The following LMAN1 variants were observed in gnomAD, a reference collection of about 807,000 sequenced individuals.
The protein encoded by LMAN1 is protein ERGIC-53.
A neutral mutation model predicts 67.8 loss-of-function variants in LMAN1; 32 were observed. The ratio of observed to expected loss-of-function variants is 0.47; its 90% CI spans 0.36 to 0.63. LMAN1 has a LOEUF of 0.63. Among genes scored for constraint, LMAN1 ranks in the 30% least tolerant of loss-of-function variants. The pLI is 0.00. For synonymous variants in LMAN1, 235 were observed against 219.3 expected (o/e 1.07, Z -0.63); for missense variants, 632 against 628.2 (o/e 1.01, Z -0.06).
chr18:59,350,775 G>T (rs148104859), intron 5 of LMAN1, among the ~76,000 whole-genome samples: 77 of 152,256 alleles, frequency 5.1e-4, no homozygotes, highest in Non-Finnish European at 9.6e-4. Flanking sequence ...GATTACATGT[G>T]TGAGCCACCG....
chr18:59,357,963 TAAAA>T (rs150790005), intron 1 of LMAN1, among the ~76,000 whole-genome samples: 95 of 102,540 alleles, frequency 9.3e-4, no homozygotes, highest in African/African-American at 2.3e-3. Flanking sequence ...AACCTTATAG[TAAAA>T]AAAAAAAAAA....
intron 6 of LMAN1, among the ~76,000 whole-genome samples, chr18:59,348,827 G>A (rs1334885369): frequency 6.6e-6 from 1 of 152,176 alleles, no homozygotes; most frequent in Non-Finnish European, 1.5e-5. Flanking sequence ...TGCTGACTTT[G>A]ATAGCCTCTA....
intron 5 of LMAN1, chr18:59,351,609 C>A (rs1476000654): frequency 1.3e-5 from 2 of 152,166 alleles, no homozygotes; most frequent in Non-Finnish European, 2.9e-5. Flanking sequence ...ATAAAGGATC[C>A]TTCATAAAGA....
At chr18:59,340,385 G>A (rs1040206198) in intron 8 of LMAN1, among the ~76,000 whole-genome samples, 1 of 152,046 alleles carries the variant, frequency 6.6e-6, no homozygotes, top group Non-Finnish European at 1.5e-5. Context: ...AAATTAGCAA[G>A]AGAGAAGTAT....
Position 59,330,875 on chromosome 18 carries a change from G to A in LMAN1, c.*218C>T. 1 of 558,964 alleles carries A rather than the reference G, an allele frequency of 1.8e-6. No individual in the cohort carries two copies. The highest frequency in any genetic ancestry group is 3.2e-6 in the Non-Finnish European group (1 of 310,366). The allele number at this position is 558,964 out of a possible 1,614,324, so 34.6% of individuals were successfully genotyped here. On this transcript the variant is annotated 3_prime_UTR_variant, in exon 13 of 13. Transcript: ENST00000251047. ...CTCAGAGGCTGCATCATACTGACCA[G>A]AAATTCACTGAAATTTAGACAGATT...
chr18:59,338,002 A>T (rs1188301950), intron 10 of LMAN1, among the ~76,000 whole-genome samples: 1 of 152,216 alleles, frequency 6.6e-6, no homozygotes, highest in Non-Finnish European at 1.5e-5. Context: ...TAAGTCAATC[A>T]TTCTCATTAG....
chr18:59,335,572 T>C (rs549626480), intron 10 of LMAN1, among the ~76,000 whole-genome samples: 13 of 151,766 alleles, frequency 8.6e-5, no homozygotes, highest in African/African-American at 2.7e-4. Flanking sequence ...AAGGGGAGGA[T>C]GGGAAAGTGG....
At chr18:59,331,690 C>T (rs759161318) in intron 11 of LMAN1, 151 bp from the exon 12 acceptor site, 52 of 801,844 alleles carry the variant, frequency 6.5e-5, no homozygotes, top group Non-Finnish European at 1.0e-4. Context: ...TTAACTTTTA[C>T]TGACAACTGT....
At chr18:59,333,469 T>A (rs1250259444) in intron 10 of LMAN1, 1 of 486,194 alleles carries the variant, frequency 2.1e-6, no homozygotes, top group Admixed American at 3.6e-5. Flanking sequence ...AAATACCATG[T>A]AGAAAATACT....
chr18:59,355,310 T>C lies in LMAN1; in HGVS notation c.477+3A>G, dbSNP rs775205769. 2.8e-5 allele frequency: 44 copies of C among 1,599,178 alleles called. No individual in the cohort carries two copies. Among genetic ancestry groups the C allele is most frequent in the Non-Finnish European group, 3.7e-5 (43 of 1,167,508 alleles). On this transcript the variant is annotated splice_donor_region_variant and intron_variant, in intron 3 of 12. Coordinates refer to ENST00000251047, the MANE Select transcript of LMAN1 (RefSeq NM_005570.4). Reference sequence around the variant, plus strand: ...TGGATAACAGTCCTGACAATAAATATACCTTTCCATCATTGTCAAAAGAAT... The same window carrying C: ...TGGATAACAGTCCTGACAATAAATACACCTTTCCATCATTGTCAAAAGAAT...
At chr18:59,351,766 C>T (rs1404782607) in intron 5 of LMAN1, among the ~76,000 whole-genome samples, 1 of 152,174 alleles carries the variant, frequency 6.6e-6, no homozygotes, top group African/African-American at 2.4e-5. Flanking sequence ...ACAGTCTGCA[C>T]CCACCATGCT....
chr18:59,339,322 G>A (rs1288917014), intron 8 of LMAN1, among the ~76,000 whole-genome samples: 1 of 152,144 alleles, frequency 6.6e-6, no homozygotes, highest in South Asian at 2.1e-4. Flanking sequence ...TTGCCTAGGA[G>A]AGAATGCTAG....
chr18:59,349,702 C>CA (rs1472404568), intron 5 of LMAN1, among the ~76,000 whole-genome samples: 1 of 152,104 alleles, frequency 6.6e-6, no homozygotes, highest in African/African-American at 2.4e-5. Flanking sequence ...TCTGGACTGT[C>CA]ACAGGTTAGC....
intron 7 of LMAN1, among the ~76,000 whole-genome samples, 167 bp from the exon 8 acceptor site, chr18:59,346,218 T>TTA (rs1331695982): frequency 7.4e-6 from 1 of 135,826 alleles, no homozygotes; most frequent in Non-Finnish European, 1.6e-5. Context: ...TCTTTTTTTT[T>TTA]TTTTTTTTTT....
In LMAN1 at chr18:59,333,151, G is replaced by A. The variant is rs747427659; in HGVS notation, c.1314C>T (p.Asp438=). 26 of 1,613,494 alleles carry A rather than the reference G, an allele frequency of 1.6e-5. No individual in the cohort carries two copies. The highest frequency in any genetic ancestry group is 2.1e-5 in the Non-Finnish European group (25 of 1,179,662). Residue 438 remains aspartate, a synonymous_variant, in exon 11 of 13, where the codon GAC becomes GAT. Transcript: ENST00000251047. The part of the protein sequence containing the change: ...GVYETTQHFI[D]IKEHLHIVKR... ...TTACTATGTGCAGGTGCTCTTTGAT[G>A]TCAATGAAGTGCTGTGTTGTCTCAT... is the stretch of plus-strand genomic sequence containing the variant.
chr18:59,357,909 T>C (rs1908695793), intron 1 of LMAN1, among the ~76,000 whole-genome samples: 1 of 142,978 alleles, frequency 7.0e-6, no homozygotes, highest in Non-Finnish European at 1.5e-5. Context: ...ACATGGCAAA[T>C]GTATACATAC....
At chr18:59,345,344 C>A (rs1444488) in intron 8 of LMAN1, among the ~76,000 whole-genome samples, 109,349 of 152,032 alleles carry the variant, frequency 0.72, 39,611 homozygotes, top group African/African-American at 0.8. Flanking sequence ...AGCACACTCA[C>A]GTTCTTAATA....
chr18:59,332,992 G>T, intron 11 of LMAN1, 99 bp downstream of exon 11: 1 of 947,402 alleles, frequency 1.1e-6, no homozygotes, highest in Non-Finnish European at 1.7e-6. Context: ...TTAAAAATAA[G>T]CATTAGCATT....
In LMAN1 at chr18:59,338,821, A is replaced by G. The variant is rs181218003; in HGVS notation, c.1088T>C (p.Val363Ala). 5 of 1,613,946 alleles carry G rather than the reference A, an allele frequency of 3.1e-6. No homozygotes were observed. Among genetic ancestry groups the G allele is most frequent in the East Asian group, 4.5e-5 (2 of 44,868 alleles). ...AGAGATTTCCTCTGTTAAGGAAGAGACATATCTTCTCTGTTCATCAAGAAT... is the reference window on the plus strand; with the variant it reads ...AGAGATTTCCTCTGTTAAGGAAGAGGCATATCTTCTCTGTTCATCAAGAAT... The part of the protein sequence containing the change: ...DMILDEQRRY[V>A]SSLTEEISKR... The change falls in exon 9 of 13, where the codon GTC (valine) becomes GCC (alanine). Residue 363 changes from valine (V) to alanine (A), a missense_variant. Transcript: ENST00000251047.
Sources: allele counts gnomAD v4.1 joint callset (sites outside exome capture counted in the v4.1 genomes callset), GRCh38; gene constraint gnomAD v4.1.1; transcripts MANE v1.5; gene names NCBI Gene and HGNC (gene_info 2026-07-23, HGNC 2026-07-21).